MCTP2: variants seen among roughly 807,000 people sequenced by gnomAD.
MCTP2 encodes multiple C2 and transmembrane domain-containing protein 2.
A neutral mutation model predicts 111.6 loss-of-function variants in MCTP2; 132 were observed. That is an observed-to-expected ratio of 1.18 (90% confidence interval 1.03 to 1.37). The LOEUF is 1.37. Ranked by LOEUF, MCTP2 falls within the 40% of genes most tolerant of loss-of-function variation. MCTP2 has a pLI of 0.00. For missense variants in MCTP2, 1,183 were observed against 1,067.9 expected (o/e 1.11, Z -1.50); for synonymous variants, 395 against 387.7 (o/e 1.02, Z -0.22).
chr15:94,339,544 T>A, intron 5 of MCTP2, 112 bp downstream of exon 5: 1 of 733,180 alleles, frequency 1.4e-6, no homozygotes, highest in Non-Finnish European at 2.0e-6. Flanking sequence ...TTAGGACAGA[T>A]TAAAAATAAT....
At chr15:94,370,541 C>G (rs2079429098) in intron 12 of MCTP2, among the ~76,000 whole-genome samples, 1 of 152,194 alleles carries the variant, frequency 6.6e-6, no homozygotes, top group Non-Finnish European at 1.5e-5. Flanking sequence ...TTGCTGCTCT[C>G]TGTGCTGAAT....
intron 17 of MCTP2, among the ~76,000 whole-genome samples, chr15:94,427,607 C>G (rs983196989): frequency 1.3e-5 from 2 of 152,148 alleles, no homozygotes; most frequent in Admixed American, 1.3e-4. Flanking sequence ...TCACTTCCTG[C>G]CAGGCCCCTC....
chr15:94,394,664 C>T (rs1010003015), intron 14 of MCTP2, among the ~76,000 whole-genome samples: 3 of 151,940 alleles, frequency 2.0e-5, no homozygotes, highest in East Asian at 1.9e-4. Context: ...ACTCAGGAGG[C>T]TGAGGCAGCA....
chr15:94,361,633 C>T (rs745911151), intron 10 of MCTP2, among the ~76,000 whole-genome samples: 4 of 152,208 alleles, frequency 2.6e-5, no homozygotes, highest in Non-Finnish European at 4.4e-5. Context: ...GTCCTCACAA[C>T]TTGGCAACTC....
chr15:94,358,646 T>C, intron 10 of MCTP2, 34 bp downstream of exon 10: 1 of 1,609,828 alleles, frequency 6.2e-7, no homozygotes, highest in Non-Finnish European at 8.5e-7. Flanking sequence ...GGCGGGAGCA[T>C]GTTTCTGCAT....
chr15:94,445,546 T>A, intron 19 of MCTP2, among the ~76,000 whole-genome samples: 1 of 152,178 alleles, frequency 6.6e-6, no homozygotes, highest in East Asian at 1.9e-4. Context: ...ACTTTCAGAC[T>A]TTTTGAGTGC....
intron 19 of MCTP2, among the ~76,000 whole-genome samples, chr15:94,453,644 G>A (rs937017264): frequency 4.6e-5 from 7 of 152,160 alleles, no homozygotes; most frequent in African/African-American, 1.7e-4. Context: ...GAGTAAATGT[G>A]CACTTATCTT....
At chr15:94,476,637 T>C (rs111267737) in intron 21 of MCTP2, 59 bp from the exon 22 acceptor site, 128 of 868,796 alleles carry the variant, frequency 1.5e-4, no homozygotes, top group Middle Eastern at 4.5e-4. Context: ...GATAGATAGA[T>C]AGATAGATAG....
At chr15:94,267,487 A>T (rs2073608810) in intron 1 of MCTP2, among the ~76,000 whole-genome samples, 1 of 152,194 alleles carries the variant, frequency 6.6e-6, no homozygotes, top group African/African-American at 2.4e-5. Context: ...TGGATTTTTT[A>T]AAGTTTTTGA....
chr15:94,268,180 C>CTTTTTTTTTT (rs371485797), intron 1 of MCTP2, among the ~76,000 whole-genome samples: 1 of 134,392 alleles, frequency 7.4e-6, no homozygotes, highest in Non-Finnish European at 1.6e-5. Flanking sequence ...TTCATTCTTT[C>CTTTTTTTTTT]TTTCTTTTTT....
At chr15:94,383,511 G>T (rs1049048321) in intron 12 of MCTP2, among the ~76,000 whole-genome samples, 1 of 152,180 alleles carries the variant, frequency 6.6e-6, no homozygotes, top group Non-Finnish European at 1.5e-5. Flanking sequence ...ATAAAAGAGG[G>T]TTAATGGACT....
intron 4 of MCTP2, among the ~76,000 whole-genome samples, chr15:94,318,230 A>C (rs553743686): frequency 6.7e-6 from 1 of 149,422 alleles, no homozygotes; most frequent in South Asian, 2.1e-4. Flanking sequence ...TTCTCAAGCT[A>C]CATGTCCTGT....
intron 19 of MCTP2, among the ~76,000 whole-genome samples, chr15:94,446,411 A>C (rs2084118643): frequency 6.6e-6 from 1 of 152,218 alleles, no homozygotes; most frequent in Non-Finnish European, 1.5e-5. Context: ...CATATGTGGA[A>C]TCCTTCCATG....
At chr15:94,332,065 C>T (rs546703693) in intron 4 of MCTP2, among the ~76,000 whole-genome samples, 38 of 152,278 alleles carry the variant, frequency 2.5e-4, no homozygotes, top group Middle Eastern at 3.4e-3. Flanking sequence ...TTTGAATCTA[C>T]CACTATCTGA....
chr15:94,405,360 A>C (rs1414452022), intron 17 of MCTP2, among the ~76,000 whole-genome samples: 1 of 152,224 alleles, frequency 6.6e-6, no homozygotes, highest in Non-Finnish European at 1.5e-5. Flanking sequence ...CAATTTTAAG[A>C]CTTTATGAAA....
intron 17 of MCTP2, among the ~76,000 whole-genome samples, chr15:94,412,900 T>G (rs2082215165): frequency 6.6e-6 from 1 of 152,160 alleles, no homozygotes; most frequent in Non-Finnish European, 1.5e-5. Context: ...CATAGTGTGT[T>G]TAGCTGTGAA....
intron 12 of MCTP2, among the ~76,000 whole-genome samples, chr15:94,381,911 T>C (rs563259849): frequency 3.3e-5 from 5 of 152,202 alleles, no homozygotes; most frequent in Non-Finnish European, 5.9e-5. Context: ...AGATGGATTT[T>C]TATGTTAGTT....
chr15:94,245,177 G>T (rs925728695), intron 1 of MCTP2, among the ~76,000 whole-genome samples: 2 of 144,152 alleles, frequency 1.4e-5, no homozygotes, highest in East Asian at 2.1e-4. Context: ...CACATGTATA[G>T]ATTTATACAC....
chr15:94,298,158 T>C, intron 1 of MCTP2, 43 bp from the exon 2 acceptor site: 1 of 861,426 alleles, frequency 1.2e-6, no homozygotes, highest in Non-Finnish European at 1.7e-6. Flanking sequence ...CATGTTTTTT[T>C]TTTTTGTTTG....
Sources: gnomAD v4.1 joint callset for allele counts (sites outside exome capture counted in the v4.1 genomes callset) on GRCh38, gnomAD v4.1.1 for gene constraint, MANE v1.5 for transcripts, NCBI Gene and HGNC (gene_info 2026-07-23, HGNC 2026-07-21) for gene names.